TMEM154: variants seen among roughly 807,000 people sequenced by gnomAD.
The protein encoded by TMEM154 is transmembrane protein 154.
A neutral mutation model predicts 24.5 loss-of-function variants in TMEM154; 27 were observed. That is an observed-to-expected ratio of 1.10 (90% confidence interval 0.81 to 1.52). The LOEUF is 1.52. TMEM154 is among the 40% of genes most tolerant of loss of function. The pLI is 0.00. For synonymous variants in TMEM154, 67 were observed against 76.8 expected (o/e 0.87, Z 0.67); for missense variants, 228 against 213.4 (o/e 1.07, Z -0.43).
chr4:152,640,972 ACATT>A lies in TMEM154; in HGVS notation c.488_491del (p.Glu163ValfsTer5), dbSNP rs941536173. 5 of 1,610,758 alleles carry A rather than the reference ACATT, an allele frequency of 3.1e-6. No homozygotes were observed. Among genetic ancestry groups the A allele is most frequent in the Non-Finnish European group, 4.2e-6 (5 of 1,178,772 alleles). ...CCTTCTCTTCCTTCAAGGTAGGTAA[ACATT>A]CAAAGTCGGCTAGGACAGAATAAAA... is the stretch of plus-strand genomic sequence containing the variant. On this transcript the variant is annotated frameshift_variant, in exon 6 of 7. Transcript: ENST00000304385. LOFTEE classifies it high-confidence loss of function.
intron 6 of TMEM154, among the ~76,000 whole-genome samples, chr4:152,631,727 A>T (rs1465416803): frequency 5.3e-5 from 8 of 149,984 alleles, no homozygotes; most frequent in Non-Finnish European, 8.9e-5. Flanking sequence ...CACCATGGCC[A>T]GCCAGCCTAT....
chr4:152,651,224 G>A (rs1322715682), intron 3 of TMEM154, among the ~76,000 whole-genome samples: 1 of 147,476 alleles, frequency 6.8e-6, no homozygotes, highest in Non-Finnish European at 1.5e-5. Flanking sequence ...GTTTCACCAT[G>A]TTAGCCAGGC....
intron 1 of TMEM154, chr4:152,666,967 G>A (rs1183578586): frequency 6.6e-6 from 1 of 152,298 alleles, no homozygotes; most frequent in Non-Finnish European, 1.5e-5. Flanking sequence ...CGATGCTCAT[G>A]GACTACAGAT....
At chr4:152,670,211 A>G (rs1340251165) in intron 1 of TMEM154, 1 of 152,172 alleles carries the variant, frequency 6.6e-6, no homozygotes, top group African/African-American at 2.4e-5. Flanking sequence ...GCTACATAGT[A>G]TTTTCTCCAG....
intron 1 of TMEM154, chr4:152,668,901 C>T (rs1003320963): frequency 5.3e-5 from 8 of 152,214 alleles, no homozygotes; most frequent in African/African-American, 1.9e-4. Context: ...CAGCTAAGCC[C>T]CGAACAGATC....
intron 1 of TMEM154, among the ~76,000 whole-genome samples, chr4:152,665,282 C>G (rs1282578327): frequency 6.6e-6 from 1 of 152,144 alleles, no homozygotes; most frequent in African/African-American, 2.4e-5. Flanking sequence ...CCTTGTGGCT[C>G]CAGGACGCAG....
chr4:152,631,409 G>A (rs957349415), intron 6 of TMEM154, among the ~76,000 whole-genome samples: 2 of 152,104 alleles, frequency 1.3e-5, no homozygotes, highest in African/African-American at 4.8e-5. Context: ...CTTATTAATA[G>A]TCTCTGATCA....
intron 6 of TMEM154, among the ~76,000 whole-genome samples, chr4:152,636,957 A>C (rs1371931092): frequency 6.6e-6 from 1 of 152,220 alleles, no homozygotes; most frequent in Non-Finnish European, 1.5e-5. Context: ...TACTTCAATG[A>C]CAGAGGAAGA....
At chr4:152,662,267 C>A (rs969587389) in intron 1 of TMEM154, among the ~76,000 whole-genome samples, 10 of 151,988 alleles carry the variant, frequency 6.6e-5, no homozygotes, top group Non-Finnish European at 1.5e-4. Flanking sequence ...CAGAAAAATT[C>A]TCTAAGACAA....
intron 1 of TMEM154, among the ~76,000 whole-genome samples, chr4:152,656,609 C>A (rs1728496083): frequency 6.6e-6 from 1 of 152,126 alleles, no homozygotes; most frequent in African/African-American, 2.4e-5. Context: ...TAGGGGAGAA[C>A]TTTTTCCTCC....
intron 5 of TMEM154, 30 bp from the exon 6 acceptor site, chr4:152,641,015 T>C: frequency 6.3e-7 from 1 of 1,595,702 alleles, no homozygotes; most frequent in Non-Finnish European, 8.5e-7. Flanking sequence ...AACTCATTGT[T>C]AGTTACTGAA....
Position 152,644,431 on chromosome 4 carries a change from T to C in TMEM154, c.376A>G (p.Ser126Gly). 2 of 1,614,198 alleles carry C rather than the reference T, an allele frequency of 1.2e-6. No homozygotes were observed. The highest frequency in any genetic ancestry group is 1.7e-6 in the Non-Finnish European group (2 of 1,180,014). Residue 126 changes from serine (S) to glycine (G), a missense_variant, in exon 4 of 7, where the codon AGT (serine) becomes GGT (glycine). Coordinates refer to ENST00000304385, the MANE Select transcript of TMEM154 (RefSeq NM_152680.3). ...AAAACTTACACTTTCACGTTTTCAC[T>C]TCCCAGTTCATCTAAAAGGAAATGA... ...QSALQTYELG[S>G]ENVKVPIFEE...
intron 6 of TMEM154, among the ~76,000 whole-genome samples, chr4:152,633,402 A>T (rs1203740633): frequency 6.6e-6 from 1 of 152,070 alleles, no homozygotes; most frequent in Non-Finnish European, 1.5e-5. Context: ...TTCTCTCCCA[A>T]ATGCTCCTTC....
At chr4:152,657,400 G>A (rs1728511782) in intron 1 of TMEM154, among the ~76,000 whole-genome samples, 1 of 151,930 alleles carries the variant, frequency 6.6e-6, no homozygotes, top group African/African-American at 2.4e-5. Context: ...TGAAAACCCA[G>A]CTACTCAGGA....
In TMEM154 at chr4:152,627,082, T is replaced by C. The variant is rs1306952590; in HGVS notation, c.*1464A>G. ...GCAGTGGTTAAACACAACCAGCTAG[T>C]TATAGCTTTCATTGTATGGAAAGAC... On this transcript the variant is annotated 3_prime_UTR_variant, in exon 7 of 7. Transcript: ENST00000304385. 2.6e-5 allele frequency: 4 copies of C among 152,236 alleles called. No individual in the cohort carries two copies. The highest frequency in any genetic ancestry group is 2.9e-5 in the Non-Finnish European group (2 of 68,048). The allele number at this position is 152,236 out of a possible 1,614,324, so 9.4% of individuals were successfully genotyped here.
At chr4:152,674,569 T>C (rs529393650) in intron 1 of TMEM154, among the ~76,000 whole-genome samples, 2 of 152,280 alleles carry the variant, frequency 1.3e-5, no homozygotes, top group East Asian at 3.9e-4. Flanking sequence ...GCTTTGTTGC[T>C]TCCTCCTGCA....
intron 1 of TMEM154, among the ~76,000 whole-genome samples, chr4:152,654,157 G>A (rs763091261): frequency 6.6e-6 from 1 of 152,194 alleles, no homozygotes; most frequent in Non-Finnish European, 1.5e-5. Flanking sequence ...AGTAGTCATG[G>A]TAAGATAAGC....
intron 1 of TMEM154, among the ~76,000 whole-genome samples, chr4:152,673,933 G>A (rs1428867537): frequency 6.6e-6 from 1 of 151,842 alleles, no homozygotes; most frequent in African/African-American, 2.4e-5. Context: ...TGTGGAGCAT[G>A]AACATCTTCT....
chr4:152,666,406 T>C (rs574232758), intron 1 of TMEM154: 8 of 152,322 alleles, frequency 5.3e-5, no homozygotes, highest in African/African-American at 1.9e-4. Flanking sequence ...TATTTTAATT[T>C]GCCATTGTTC....
Sources: gnomAD v4.1 joint callset for allele counts (sites outside exome capture counted in the v4.1 genomes callset) on GRCh38, gnomAD v4.1.1 for gene constraint, MANE v1.5 for transcripts, NCBI Gene and HGNC (gene_info 2026-07-23, HGNC 2026-07-21) for gene names.